Variants in FRY observed in about 807,000 individuals in gnomAD.
FRY encodes the protein FRY microtubule binding protein.
A neutral mutation model predicts 348.4 loss-of-function variants in FRY; 128 were observed. That is an observed-to-expected ratio of 0.37 (90% CI 0.32 to 0.43). The LOEUF is 0.43. FRY is among the 20% of genes least tolerant of loss of function. The pLI is 1.00. For missense variants in FRY, 2,736 were observed against 3,695.2 expected (o/e 0.74, Z 6.73); for synonymous variants, 1,370 against 1,374.7 (o/e 1.00, Z 0.08).
chr13:32,172,078 A>C (rs1467941385), intron 18 of FRY, among the ~76,000 whole-genome samples: 2 of 151,852 alleles, frequency 1.3e-5, no homozygotes, highest in South Asian at 4.2e-4. Flanking sequence ...GTGGGTGTGG[A>C]TGTAGATAGG....
chr13:32,131,898 A>G, intron 8 of FRY, 58 bp downstream of exon 8: 2 of 1,304,356 alleles, frequency 1.5e-6, no homozygotes, highest in Non-Finnish European at 2.2e-6. Context: ...CCCTTCCTCA[A>G]AATGATGAAC....
chr13:32,159,380 C>A (rs900943319), intron 16 of FRY, among the ~76,000 whole-genome samples: 1 of 152,130 alleles, frequency 6.6e-6, no homozygotes, highest in Non-Finnish European at 1.5e-5. Flanking sequence ...CCAGGCCCTA[C>A]GCAGGGTAAG....
At chr13:32,263,501 A>T (rs1475430268) in intron 53 of FRY, among the ~76,000 whole-genome samples, 2 of 152,292 alleles carry the variant, frequency 1.3e-5, no homozygotes, top group African/African-American at 4.8e-5. Flanking sequence ...GATTCTTGGA[A>T]TTAGCAGAGT....
chr13:32,233,164 C>G (rs1244345697), intron 41 of FRY, among the ~76,000 whole-genome samples: 1 of 152,088 alleles, frequency 6.6e-6, no homozygotes, highest in Admixed American at 6.5e-5. Context: ...TTTCCAGGAC[C>G]CTCTGTTTTC....
At position 32,136,988 on chromosome 13, in the gene FRY, CT is replaced by C; in HGVS notation, c.1179+17del. 1 of 1,377,412 alleles carries C rather than the reference CT, an allele frequency of 7.3e-7. No homozygotes were observed. Among genetic ancestry groups the C allele is most frequent in the Non-Finnish European group, 1.0e-6 (1 of 963,596 alleles). 85.3% of individuals were successfully genotyped at this position (1,377,412 alleles called of 1,614,324 possible). A position where few individuals can be genotyped will look rare whatever the true frequency, so the allele number is the denominator to read the frequency against. ...CAACCTTAAAGTTAGTATTTGTCAG[CT>C]CAAAAACGATCTCTTTAAAAAATTT... On this transcript the variant is annotated intron_variant, in intron 11 of 60. Transcript: ENST00000542859.
Position 32,131,603 on chromosome 13 carries a change from T to C in FRY, c.717-69T>C. ...ATTGCTCTGCTCAATCACTCCCAGA[T>C]GCTGGAGGCCCCCATTACAGGGACT... On this transcript the variant is annotated intron_variant, in intron 7 of 60. Coordinates refer to ENST00000542859, the MANE Select transcript of FRY (RefSeq NM_023037.3). 4.8e-6 allele frequency: 5 copies of C among 1,048,488 alleles called. 1 individual carries two copies. In the South Asian group the frequency reaches 6.4e-5, roughly 13 times the overall value. The allele number at this position is 1,048,488 out of a possible 1,614,324, so 64.9% of individuals were successfully genotyped here.
At chr13:32,222,796 C>G (rs1439723312) in intron 36 of FRY, among the ~76,000 whole-genome samples, 1 of 152,204 alleles carries the variant, frequency 6.6e-6, no homozygotes, top group Non-Finnish European at 1.5e-5. Context: ...TAGGCCAGTG[C>G]CTGGCATCAA....
intron 18 of FRY, among the ~76,000 whole-genome samples, chr13:32,172,773 C>T (rs1882165404): frequency 6.6e-6 from 1 of 151,914 alleles, no homozygotes; most frequent in Non-Finnish European, 1.5e-5. Context: ...CATGCCAACA[C>T]GATAGGTAGA....
chr13:32,242,542 G>A (rs2138475408), intron 46 of FRY, among the ~76,000 whole-genome samples: 1 of 151,572 alleles, frequency 6.6e-6, no homozygotes, highest in East Asian at 1.9e-4. Context: ...GTTTTGTTTT[G>A]TTTTGTTTTG....
chr13:32,070,942 T>C (rs1210951), intron 1 of FRY, among the ~76,000 whole-genome samples: 45,676 of 152,102 alleles, frequency 0.3, 8,579 homozygotes, highest in South Asian at 0.46. Flanking sequence ...CTAGCCAGTT[T>C]TCCCAGCACC....
At chr13:32,048,005 A>G (rs1030167992) in intron 1 of FRY, among the ~76,000 whole-genome samples, 1 of 151,628 alleles carries the variant, frequency 6.6e-6, no homozygotes, top group African/African-American at 2.4e-5. Context: ...CCCTTCCCCT[A>G]CCCTTTCTAC....
intron 36 of FRY, among the ~76,000 whole-genome samples, chr13:32,221,330 C>T (rs953690464): frequency 2.6e-5 from 4 of 152,154 alleles, no homozygotes; most frequent in East Asian, 1.9e-4. Context: ...TGCCTAAAGA[C>T]GACATAGTAT....
At chr13:32,271,777 A>T (rs1194201490) in intron 55 of FRY, among the ~76,000 whole-genome samples, 7 of 152,184 alleles carry the variant, frequency 4.6e-5, no homozygotes, top group African/African-American at 1.7e-4. Flanking sequence ...ACTCTCTAGG[A>T]TCTTTCGCCA....
At chr13:32,245,283 G>A (rs1886731270) in intron 47 of FRY, among the ~76,000 whole-genome samples, 1 of 151,766 alleles carries the variant, frequency 6.6e-6, no homozygotes, top group African/African-American at 2.4e-5. Flanking sequence ...GAGAAGACCA[G>A]AAACACAATT....
chr13:32,135,135 C>T lies in FRY; in HGVS notation c.1029C>T (p.Ser343=), dbSNP rs1879625350. Residue 343 remains serine (S), a synonymous_variant, in exon 10 of 61, where the codon AGC becomes AGT. Coordinates refer to ENST00000542859, the MANE Select transcript of FRY (RefSeq NM_023037.3). The part of the protein sequence containing the change: ...NVPCLRNFVE[S]LYDTTLELSS... ...CCTGCCTTAGAAATTTTGTGGAAAG[C>T]CTGTATGACACCACGCTGGAACTTT... 1 of 1,612,984 alleles carries T rather than the reference C, an allele frequency of 6.2e-7. No homozygotes were observed. Among genetic ancestry groups the T allele is most frequent in the Non-Finnish European group, 8.5e-7 (1 of 1,179,018 alleles).
chr13:32,131,977 T>A, intron 8 of FRY, 137 bp downstream of exon 8: 1 of 757,828 alleles, frequency 1.3e-6, no homozygotes, highest in East Asian at 2.5e-5. Flanking sequence ...ATTCATGAAG[T>A]CCTTTGTAAC....
intron 7 of FRY, 44 bp downstream of exon 7, chr13:32,124,919 T>C: frequency 7.4e-7 from 1 of 1,349,192 alleles, no homozygotes; most frequent in Non-Finnish European, 1.1e-6. Flanking sequence ...CGTGCGTGCT[T>C]TCACTGTCCT....
rs774036497 is a variant in FRY, at chr13:32,237,749, T to A, written c.6181T>A (p.Leu2061Ile). 1.2e-6 allele frequency: 2 copies of A among 1,614,182 alleles called. No homozygotes were observed. Among genetic ancestry groups the A allele is most frequent in the Non-Finnish European group, 1.7e-6 (2 of 1,180,026 alleles). ...GGAGTCTGATTTTGAGTTTGAATAC[T>A]TAATGGCCTTAAGGCTGTTGAGCAG... ...LMESDFEFEY[L>I]MALRLLSRLL... Residue 2061 changes from leucine (L) to isoleucine (I), a missense_variant, in exon 44 of 61, where the codon TTA becomes ATA. Leu to Ile is a conservative substitution (Grantham distance 5). Transcript: ENST00000542859. This position sits in a 1 kb window ranked among gnomAD's most constrained non-coding sequence, Gnocchi z 6.3.
intron 39 of FRY, among the ~76,000 whole-genome samples, chr13:32,226,958 G>A (rs886226940): frequency 1.3e-5 from 2 of 152,208 alleles, no homozygotes; most frequent in African/African-American, 4.8e-5. Flanking sequence ...TCCCTTTGCT[G>A]TAGATGTTTA....
Sources: allele counts gnomAD v4.1 joint callset (sites outside exome capture counted in the v4.1 genomes callset), GRCh38; gene constraint gnomAD v4.1.1; non-coding constraint Gnocchi (gnomAD v3.1); transcripts MANE v1.5; gene names NCBI Gene and HGNC (gene_info 2026-07-23, HGNC 2026-07-21).